The following MAGI1 variants were observed in gnomAD, a reference collection of about 807,000 sequenced individuals.
The protein encoded by MAGI1 is membrane associated guanylate kinase, WW and PDZ domain containing 1.
A neutral mutation model predicts 139.9 loss-of-function variants in MAGI1; 58 were observed. That is an observed-to-expected ratio of 0.41 (90% CI 0.34 to 0.52). The LOEUF (loss-of-function observed/expected upper bound fraction) is 0.52. Among genes scored for constraint, MAGI1 ranks in the 20% least tolerant of loss-of-function variants. The pLI, the probability that MAGI1 is intolerant of heterozygous loss-of-function variation, is 0.12. For synonymous variants in MAGI1, 812 were observed against 737.9 expected, an observed-to-expected ratio of 1.10 and a Z score of -1.63; for missense variants, 1,874 against 1,901.6, an observed-to-expected ratio of 0.99 and a Z score of 0.27.
chr3:65,654,369 G>C (rs528228908), intron 1 of MAGI1, among the ~76,000 whole-genome samples: 2 of 152,172 alleles, frequency 1.3e-5, no homozygotes, highest in Non-Finnish European at 2.9e-5. Flanking sequence ...AAAATGTCCA[G>C]TGAATCTGTT....
intron 1 of MAGI1, among the ~76,000 whole-genome samples, chr3:65,910,868 T>TTTTTTTTTTTTTTTTG: frequency 8.1e-6 from 1 of 122,978 alleles, no homozygotes; most frequent in African/African-American, 3.2e-5. Context: ...TTTTTTTTTT[T>TTTTTTTTTTTTTTTTG]TTTTTTTGAG....
intron 10 of MAGI1, among the ~76,000 whole-genome samples, chr3:65,434,296 A>G (rs1947677270): frequency 6.6e-6 from 1 of 152,190 alleles, no homozygotes; most frequent in Non-Finnish European, 1.5e-5. Context: ...ATGTAGGTAA[A>G]GTGCCTGGGA....
intron 1 of MAGI1, among the ~76,000 whole-genome samples, chr3:65,813,312 A>C (rs1463508593): frequency 2.6e-5 from 4 of 152,142 alleles, no homozygotes; most frequent in Admixed American, 2.6e-4. Context: ...TTCACTCCTC[A>C]ACTGGCTGCT....
At chr3:65,907,643 C>T (rs1286937783) in intron 1 of MAGI1, 1 of 152,210 alleles carries the variant, frequency 6.6e-6, no homozygotes, top group Non-Finnish European at 1.5e-5. Flanking sequence ...TTGAAGTCTT[C>T]AGTGGATCTG....
chr3:65,522,451 C>G (rs1008420347), intron 2 of MAGI1, among the ~76,000 whole-genome samples: 6 of 152,054 alleles, frequency 3.9e-5, no homozygotes, highest in African/African-American at 1.4e-4. Flanking sequence ...CTCATTTTCT[C>G]CCCTACATAA....
chr3:65,704,546 G>T (rs1435938960), intron 1 of MAGI1, among the ~76,000 whole-genome samples: 1 of 152,194 alleles, frequency 6.6e-6, no homozygotes, highest in South Asian at 2.1e-4. Flanking sequence ...AGATTATTTT[G>T]AATTGAAACT....
At chr3:65,620,051 C>A in intron 2 of MAGI1, 1 of 927,982 alleles carries the variant, frequency 1.1e-6, no homozygotes, top group Non-Finnish European at 1.3e-6. Context: ...ATTTAGCTCA[C>A]AGTCAGGTCC....
rs920649206 is a variant in MAGI1 at position 65,361,217 on chromosome 3, C to T, written c.3616G>A (p.Gly1206Ser). 5 of 1,614,122 alleles carry T rather than the reference C, an allele frequency of 3.1e-6. No homozygotes were observed. Among genetic ancestry groups the T allele is most frequent in the Non-Finnish European group, 3.4e-6 (4 of 1,180,002 alleles). ...GACCCACCATATTCTGGTACTGAGC[C>T]GTCTCCCCGCTTCAGAAACAGACGA... ...RVRLFLKRGDGSVPEYDPSSD... is the reference protein window; with the variant it reads ...RVRLFLKRGDSSVPEYDPSSD... Residue 1206 changes from glycine to serine, a missense_variant, in exon 22 of 23, where the codon GGC (glycine) becomes AGC (serine). Transcript: ENST00000402939.
At chr3:65,951,597 A>C (rs1243442254) in intron 1 of MAGI1, among the ~76,000 whole-genome samples, 2 of 152,206 alleles carry the variant, frequency 1.3e-5, no homozygotes, top group Admixed American at 1.3e-4. Flanking sequence ...ATTGAATAAA[A>C]TGTATTATTA....
At chr3:65,776,687 C>T (rs1559871679) in intron 1 of MAGI1, among the ~76,000 whole-genome samples, 1 of 152,128 alleles carries the variant, frequency 6.6e-6, no homozygotes, top group Non-Finnish European at 1.5e-5. Flanking sequence ...CAACAGAAAA[C>T]GGTACTCCCC....
At chr3:65,488,907 A>T (rs1404971626) in intron 3 of MAGI1, among the ~76,000 whole-genome samples, 1 of 152,056 alleles carries the variant, frequency 6.6e-6, no homozygotes, top group Non-Finnish European at 1.5e-5. Flanking sequence ...TCCTGAGCTC[A>T]AGCAATCCTC....
intron 1 of MAGI1, among the ~76,000 whole-genome samples, chr3:65,630,750 CTGGGTGCCGTGTGCA>C (rs1217230234): frequency 1.3e-5 from 2 of 152,162 alleles, no homozygotes; most frequent in East Asian, 3.9e-4. Flanking sequence ...AGACTACACA[CTGGGTGCCGTGTGCA>C]CTGCTCAGTG....
At chr3:65,592,344 G>A (rs1265139718) in intron 2 of MAGI1, among the ~76,000 whole-genome samples, 2 of 152,130 alleles carry the variant, frequency 1.3e-5, no homozygotes, top group African/African-American at 2.4e-5. Flanking sequence ...AATACAAAGT[G>A]TGCAACTGAA....
chr3:65,396,288 T>C (rs920414678), intron 13 of MAGI1, among the ~76,000 whole-genome samples: 2 of 152,166 alleles, frequency 1.3e-5, no homozygotes, highest in Admixed American at 1.3e-4. Context: ...TATTGCTGAG[T>C]CTCAATTCAT....
chr3:65,782,597 A>T (rs1367125250), intron 1 of MAGI1, among the ~76,000 whole-genome samples: 1 of 133,132 alleles, frequency 7.5e-6, no homozygotes, highest in Non-Finnish European at 1.6e-5. Context: ...TTTTTAAAGT[A>T]TATGGATTTC....
chr3:65,850,331 C>T (rs1399166131), intron 1 of MAGI1, among the ~76,000 whole-genome samples: 2 of 152,096 alleles, frequency 1.3e-5, no homozygotes, highest in Non-Finnish European at 2.9e-5. Context: ...ACCTGGAAAC[C>T]ATATGCAAAC....
At chr3:65,466,876 C>T (rs1446739422) in intron 5 of MAGI1, among the ~76,000 whole-genome samples, 1 of 152,252 alleles carries the variant, frequency 6.6e-6, no homozygotes, top group Admixed American at 6.5e-5. Context: ...AGCTTCTACC[C>T]TTGGGGCGTA....
At chr3:65,393,238 A>T (rs1944079364) in intron 13 of MAGI1, among the ~76,000 whole-genome samples, 1 of 152,166 alleles carries the variant, frequency 6.6e-6, no homozygotes, top group South Asian at 2.1e-4. Flanking sequence ...TTTTGCATGC[A>T]CATGGGACAG....
intron 1 of MAGI1, among the ~76,000 whole-genome samples, chr3:65,950,070 A>AC (rs1284379794): frequency 1.0e-4 from 7 of 68,404 alleles, no homozygotes; most frequent in Non-Finnish European, 2.1e-4. Context: ...AAAAAAACAA[A>AC]AAAAAAACAA....
Sources: allele counts gnomAD v4.1 joint callset (sites outside exome capture counted in the v4.1 genomes callset), GRCh38; gene constraint gnomAD v4.1.1; transcripts MANE v1.5; gene names NCBI Gene and HGNC (gene_info 2026-07-23, HGNC 2026-07-21).